SLC30A10: variants seen among roughly 807,000 people sequenced by gnomAD.
The protein encoded by SLC30A10 is calcium/manganese antiporter SLC30A10.
In SLC30A10, 8 loss-of-function variants were observed where a neutral mutation model predicts 21.7. The ratio of observed to expected loss-of-function variants is 0.37; its 90% CI spans 0.22 to 0.67. The LOEUF is 0.67. Among genes scored for constraint, SLC30A10 ranks in the 30% least tolerant of loss-of-function variants. The pLI is 0.58. For synonymous variants in SLC30A10, 272 were observed against 279.4 expected (o/e 0.97, Z 0.26); for missense variants, 521 against 642.5 (o/e 0.81, Z 2.04).
intron 1 of SLC30A10, among the ~76,000 whole-genome samples, chr1:219,945,293 A>G (rs1473086295): frequency 1.3e-5 from 2 of 152,220 alleles, no homozygotes; most frequent in Non-Finnish European, 2.9e-5. Context: ...GTAGAATTAT[A>G]TAACTCATTG....
chr1:219,945,707 G>C (rs1468075851), intron 1 of SLC30A10, among the ~76,000 whole-genome samples: 1 of 152,206 alleles, frequency 6.6e-6, no homozygotes, highest in Non-Finnish European at 1.5e-5. Context: ...TGGAATTTAT[G>C]AAAGACATAA....
chr1:219,931,897 C>T (rs987748685), upstream of SLC30A10, among the ~76,000 whole-genome samples: 18 of 152,286 alleles, frequency 1.2e-4, no homozygotes, highest in Non-Finnish European at 2.6e-4. Context: ...TCTTCCTCAT[C>T]ACAGCCCCAT....
At chr1:219,922,191 T>G (rs1458496769) in intron 2 of SLC30A10, among the ~76,000 whole-genome samples, 2,454 of 19,332 alleles carry the variant, frequency 0.13, 331 homozygotes, top group African/African-American at 0.21. Context: ...TTTTTTTTTT[T>G]TTTTTTTTTT....
rs531386927 is a variant in SLC30A10, at chr1:219,953,218, T to A, written n.80+5350A>T. ...AAATTATTTAATAATTATCACAAATTCCCAATCATTACCATTCTGCCTCCG... is the reference window on the plus strand; with the variant it reads ...AAATTATTTAATAATTATCACAAATACCCAATCATTACCATTCTGCCTCCG... On this transcript the variant is annotated intron_variant and non_coding_transcript_variant, in intron 1 of 8. Transcript: ENST00000484239. 3.3e-5 allele frequency among the ~76,000 whole-genome samples: 5 copies of A among 152,224 alleles called. No individual in the cohort carries two copies. The South Asian group carries it at 1.0e-3, about 32-fold the overall frequency.
chr1:219,919,250 A>G (rs1342999688), intron 2 of SLC30A10, among the ~76,000 whole-genome samples: 2 of 152,236 alleles, frequency 1.3e-5, no homozygotes, highest in Non-Finnish European at 2.9e-5. Flanking sequence ...GGGATTCAGT[A>G]AGTAAATTAG....
At chr1:219,916,441 T>C (rs910726173) in intron 3 of SLC30A10, among the ~76,000 whole-genome samples, 1 of 152,208 alleles carries the variant, frequency 6.6e-6, no homozygotes, top group Non-Finnish European at 1.5e-5. Flanking sequence ...AAATCAATGA[T>C]GTAATGGAAT....
intron 1 of SLC30A10, among the ~76,000 whole-genome samples, chr1:219,935,371 G>T (rs563972545): frequency 6.6e-6 from 1 of 152,184 alleles, no homozygotes; most frequent in African/African-American, 2.4e-5. Context: ...TTTTGCCCAA[G>T]AAATTGTGGA....
chr1:219,925,651 A>ATATATATATATATATT lies in SLC30A10; in HGVS notation c.718+1376_718+1377insAATATATATATATATA, dbSNP rs1317554458. Among the ~76,000 whole-genome samples the ATATATATATATATATT allele has an allele frequency of 3.1e-3, 149 of 48,260 alleles. 1 individual carries two copies. The highest frequency in any genetic ancestry group is 3.9e-3 in the Admixed American group (10 of 2,582). The allele number at this position is 48,260 out of a possible 152,430, so 31.7% of individuals were successfully genotyped here. On this transcript the variant is annotated intron_variant, in intron 2 of 3. Transcript: ENST00000366926. ...TGTGTACATATATATATATATATAT[A>ATATATATATATATATT]TTTTTTTTTTTTTTTTTTTTTTGAG...
At chr1:219,933,928 G>A (rs897005099) in intron 1 of SLC30A10, among the ~76,000 whole-genome samples, 2 of 152,242 alleles carry the variant, frequency 1.3e-5, no homozygotes, top group African/African-American at 2.4e-5. Context: ...CGAGGTGGGC[G>A]GATCACCTGA....
At chr1:219,933,313 G>C (rs972429793), upstream of SLC30A10, among the ~76,000 whole-genome samples, 1 of 152,172 alleles carries the variant, frequency 6.6e-6, no homozygotes, top group Non-Finnish European at 1.5e-5. Context: ...TTAGGAGCAC[G>C]AGCATAGCAT....
At chr1:219,931,533 T>G (rs1394257054), upstream of SLC30A10, among the ~76,000 whole-genome samples, 2 of 152,196 alleles carry the variant, frequency 1.3e-5, no homozygotes, top group South Asian at 4.1e-4. Context: ...CAGGCTGAAA[T>G]GCAGTGGCCC....
At chr1:219,947,004 C>T in intron 1 of SLC30A10, among the ~76,000 whole-genome samples, 1 of 152,122 alleles carries the variant, frequency 6.6e-6, no homozygotes, top group Non-Finnish European at 1.5e-5. Context: ...CTTTCCTCTC[C>T]TTCATGACCT....
At position 219,957,830 on chromosome 1, in the gene SLC30A10, C is replaced by T. The variant is rs576414140; in HGVS notation, n.80+738G>A. Among the ~76,000 whole-genome samples, 100 of 151,972 alleles carry T rather than the reference C, an allele frequency of 6.6e-4. 1 individual carries two copies. The highest frequency in any genetic ancestry group is 5.3e-3 in the Admixed American group (81 of 15,270). On this transcript the variant is annotated intron_variant and non_coding_transcript_variant, in intron 1 of 8. Coordinates refer to the SLC30A10 transcript ENST00000484239. Reference sequence around the variant, plus strand: ...TGATTCCATCTTAAAAAAAAAGCATCTTATAGATATATTGTTCTCTTCCAA... The same window carrying T: ...TGATTCCATCTTAAAAAAAAAGCATTTTATAGATATATTGTTCTCTTCCAA...
At chr1:219,931,537 G>A (rs1357262554), upstream of SLC30A10, among the ~76,000 whole-genome samples, 1 of 152,066 alleles carries the variant, frequency 6.6e-6, no homozygotes, top group Non-Finnish European at 1.5e-5. Context: ...CTGAAATGCA[G>A]TGGCCCAATC....
At position 219,915,422 on chromosome 1, in the gene SLC30A10, A is replaced by T. The variant is rs1659508843; in HGVS notation, c.*27T>A. The stretch of plus-strand genomic sequence containing the variant: ...CTTGTGGTTCCAAAGTGCCTCGTCT[A>T]TATGGTCTGATTATGTGAGTACCAG... On this transcript the variant is annotated 3_prime_UTR_variant, in exon 4 of 4. Coordinates refer to ENST00000366926, the MANE Select transcript of SLC30A10 (RefSeq NM_018713.3). 6.3e-7 allele frequency: 1 copy of T among 1,596,982 alleles called. No individual in the cohort carries two copies. The highest frequency in any genetic ancestry group is 1.2e-5 in the South Asian group (1 of 86,792).
chr1:219,935,877 A>C (rs1366906851), intron 1 of SLC30A10, among the ~76,000 whole-genome samples: 1 of 152,210 alleles, frequency 6.6e-6, no homozygotes, highest in East Asian at 1.9e-4. Flanking sequence ...TGACTAATAA[A>C]ATATTATATG....
intron 1 of SLC30A10, among the ~76,000 whole-genome samples, chr1:219,947,344 CA>C (rs1456063929): frequency 6.6e-6 from 1 of 152,018 alleles, no homozygotes; most frequent in African/African-American, 2.4e-5. Flanking sequence ...GCTTGGGCAA[CA>C]TGGTAAGACC....
upstream of SLC30A10, among the ~76,000 whole-genome samples, chr1:219,930,061 TC>T (rs1278311686): frequency 6.6e-6 from 1 of 152,098 alleles, no homozygotes; most frequent in Non-Finnish European, 1.5e-5. Flanking sequence ...ATCTCTATTC[TC>T]CTTCCCCATC....
intron 1 of SLC30A10, among the ~76,000 whole-genome samples, chr1:219,949,407 C>T (rs537903864): frequency 7.8e-4 from 118 of 152,236 alleles, no homozygotes; most frequent in Middle Eastern, 3.4e-3. Flanking sequence ...CACATGTACA[C>T]CATGGAATAC....
Sources: gnomAD v4.1 joint callset for allele counts (sites outside exome capture counted in the v4.1 genomes callset) on GRCh38, gnomAD v4.1.1 for gene constraint, MANE v1.5 for transcripts, NCBI Gene and HGNC (gene_info 2026-07-23, HGNC 2026-07-21) for gene names.